The following GPANK1 variants were observed in gnomAD, a reference collection of about 807,000 sequenced individuals.
The protein encoded by GPANK1 is G patch domain and ankyrin repeat-containing protein 1.
GPANK1 carries 22 observed loss-of-function variants against 24.0 expected under a neutral mutation model. The observed-to-expected ratio is 0.92, with a 90% CI of 0.66 to 1.31. GPANK1 has a LOEUF of 1.31. GPANK1 is among the 50% of genes most tolerant of loss of function. The probability of loss-of-function intolerance (pLI) is 0.00; values close to 1 mark genes in which losing one functional copy is unlikely to be tolerated. For synonymous variants in GPANK1, 174 were observed against 177.4 expected (o/e 0.98, Z 0.15); for missense variants, 469 against 453.5 (o/e 1.03, Z -0.31).
upstream of GPANK1, chr6:31,665,595 G>A (rs974104191): frequency 4.1e-6 from 5 of 1,210,956 alleles, no homozygotes; most frequent in Non-Finnish European, 6.0e-6. Context: ...TGAGGCAGGA[G>A]CCCGGAGGAA....
At chr6:31,664,646 C>T in intron 1 of GPANK1, 69 bp from the exon 2 acceptor site, 1 of 607,966 alleles carries the variant, frequency 1.6e-6, no homozygotes, top group East Asian at 2.7e-5. Flanking sequence ...ACTTAGGACT[C>T]TGCAGGGCCT....
chr6:31,663,873 C>T lies in GPANK1; in HGVS notation c.606G>A (p.Glu202=), dbSNP rs1458548074. ...CTTACCGGTTTTCCGGGCTCCTTGTCTCTCCATGGCTCTCCCTGACCATGC... is the reference window on the plus strand; with the variant it reads ...CTTACCGGTTTTCCGGGCTCCTTGTTTCTCCATGGCTCTCCCTGACCATGC... ...VARMVRESHG[E]TRSPENRSPT... The change falls in exon 2 of 3, where the codon GAG becomes GAA. Residue 202 remains glutamate, a synonymous_variant. Transcript: ENST00000375896. The T allele has an allele frequency of 1.5e-5, 24 of 1,561,868 alleles. No homozygotes were observed. Among genetic ancestry groups the T allele is most frequent in the East Asian group, 4.5e-5 (2 of 44,364 alleles).
In GPANK1 at chr6:31,664,228, A is replaced by G; in HGVS notation, c.251T>C (p.Val84Ala). 6 of 1,613,984 alleles carry G rather than the reference A, an allele frequency of 3.7e-6. No homozygotes were observed. The highest frequency in any genetic ancestry group is 1.3e-5 in the African/African-American group (1 of 75,024). ...RIMKAPAAEA[V>A]AEGASGRHGQ... ...ATGTCTTCCTGATGCTCCTTCTGCC[A>G]CTGCTTCTGCTGCTGGTGCCTTCAT... Residue 84 changes from valine to alanine, a missense_variant, in exon 2 of 3, where the codon GTG (valine) becomes GCG (alanine). Val to Ala is a moderately conservative substitution (Grantham distance 64). Coordinates refer to ENST00000375896, the MANE Select transcript of GPANK1 (RefSeq NM_033177.4).
At chr6:31,665,975 T>G, upstream of GPANK1, 4 of 1,020,632 alleles carry the variant, frequency 3.9e-6, no homozygotes, top group South Asian at 1.5e-4. Flanking sequence ...GTTCGCTTTC[T>G]CTCATTTAGC....
rs1800933670 is a variant in GPANK1, at chr6:31,662,101, GATTT to G, written c.*161_*164del. On this transcript the variant is annotated 3_prime_UTR_variant, in exon 3 of 3. Coordinates refer to ENST00000375896, the MANE Select transcript of GPANK1 (RefSeq NM_033177.4). This position sits in a 1 kb window ranked among gnomAD's most constrained non-coding sequence, Gnocchi z 5.5. The stretch of plus-strand genomic sequence containing the variant: ...AAAAGTGAATAAACCACAAATGGTT[GATTT>G]ATTTCTGACTCTCAGCCCGTCTCTC... 4.4e-6 allele frequency: 2 copies of G among 450,562 alleles called. No homozygotes were observed. The highest frequency in any genetic ancestry group is 7.9e-6 in the Non-Finnish European group (2 of 252,874). The allele number at this position is 450,562 out of a possible 1,614,324, so 27.9% of individuals were successfully genotyped here.
chr6:31,662,293 T>C lies in GPANK1; in HGVS notation c.1044A>G (p.Leu348=), dbSNP rs2151161221. 8 of 1,564,524 alleles carry C rather than the reference T, an allele frequency of 5.1e-6. No individual in the cohort carries two copies. Among genetic ancestry groups the C allele is most frequent in the Non-Finnish European group, 6.9e-6 (8 of 1,152,504 alleles). Residue 348 remains leucine, a synonymous_variant, in exon 3 of 3, where the codon CTA becomes CTG. Coordinates refer to ENST00000375896, the MANE Select transcript of GPANK1 (RefSeq NM_033177.4). The surrounding 1 kb of genome is among the most constrained non-coding windows in gnomAD (Gnocchi z 5.5). ...AGAACTCGAGGTTCATGTAAGTCCT[T>C]AGATCCCGCTCCCAAGCCCTGTCTT... ...EEKDRAWERD[L]RTYMNLEF
chr6:31,664,780 C>T lies in GPANK1; in HGVS notation c.-100+61G>A, dbSNP rs559291093. ...TCCTGCGTCCGGCCCCCACCCCCAT[C>T]CTCACCAACAATAAACACCAGCCTC... On this transcript the variant is annotated intron_variant, in intron 1 of 2. Coordinates refer to ENST00000375896, the MANE Select transcript of GPANK1 (RefSeq NM_033177.4). 1.9e-5 allele frequency: 8 copies of T among 426,098 alleles called. No homozygotes were observed. In the South Asian group the frequency reaches 3.2e-4, roughly 17 times the overall value. 26.4% of individuals were successfully genotyped at this position (426,098 alleles called of 1,614,324 possible). A position where few individuals can be genotyped will look rare whatever the true frequency, so the allele number is the denominator to read the frequency against.
upstream of GPANK1, chr6:31,666,221 T>C (rs1189352052): frequency 1.0e-6 from 1 of 987,426 alleles, no homozygotes; most frequent in Non-Finnish European, 1.2e-6. Context: ...GAGTCTGAAG[T>C]CGTCGCTGCT....
chr6:31,664,013 C>CAG lies in GPANK1; in HGVS notation c.465_466insCT (p.Gly156LeufsTer5). The CAG allele has an allele frequency of 6.2e-7, 1 of 1,614,222 alleles. No individual in the cohort carries two copies. Reference sequence around the variant, plus strand: ...CCCAGGAGATAGCTCACAGCTGCCCCCTGGCCCGCTCGAGCAGCACACATC... The same window carrying CAG: ...CCCAGGAGATAGCTCACAGCTGCCCCAGCTGGCCCGCTCGAGCAGCACACATC... On this transcript the variant is annotated frameshift_variant, in exon 2 of 3. Transcript: ENST00000375896. LOFTEE classifies it high-confidence loss of function.
chr6:31,665,213 G>A, upstream of GPANK1: 1 of 555,666 alleles, frequency 1.8e-6, no homozygotes, highest in South Asian at 2.2e-5. Context: ...TCTGTCGGTT[G>A]GGGTCCTACT....
At chr6:31,664,644 C>T in intron 1 of GPANK1, 67 bp from the exon 2 acceptor site, 1 of 609,192 alleles carries the variant, frequency 1.6e-6, no homozygotes, top group Non-Finnish European at 2.9e-6. Flanking sequence ...CAACTTAGGA[C>T]TCTGCAGGGC....
Position 31,661,650 on chromosome 6 carries a change from A to C in GPANK1, c.*616T>G, listed in dbSNP as rs1800860396. 6.3e-6 allele frequency: 1 copy of C among 157,910 alleles called. No individual in the cohort carries two copies. Among genetic ancestry groups the C allele is most frequent in the Non-Finnish European group, 1.4e-5 (1 of 71,284 alleles). 9.8% of individuals were successfully genotyped at this position (157,910 alleles called of 1,614,324 possible). A position where few individuals can be genotyped will look rare whatever the true frequency, so the allele number is the denominator to read the frequency against. ...GGGGGGCAGAGGTTGTGGTGAGCCG[A>C]GATCATGCCATTGCACTCCAGCCTG... is the stretch of plus-strand genomic sequence containing the variant. On this transcript the variant is annotated 3_prime_UTR_variant, in exon 3 of 3. Coordinates refer to ENST00000375896, the MANE Select transcript of GPANK1 (RefSeq NM_033177.4).
Position 31,664,158 on chromosome 6 carries a change from C to T in GPANK1, c.321G>A (p.Arg107=). The change falls in exon 2 of 3, where the codon CGG becomes CGA. Residue 107 remains arginine (R), a synonymous_variant. Transcript: ENST00000375896. ...CCCCCTCCTGGGCTGCCCTCAGTAT[C>T]CGGTGAGTCATCTTATCCTCAGCCT... The part of the protein sequence containing the change: ...SLEAEDKMTH[R]ILRAAQEGDL... 1 of 1,614,262 alleles carries T rather than the reference C, an allele frequency of 6.2e-7. No homozygotes were observed. The highest frequency in any genetic ancestry group is 1.1e-5 in the South Asian group (1 of 91,090).
Position 31,662,191 on chromosome 6 carries a change from G to C in GPANK1, c.*75C>G. The C allele has an allele frequency of 1.0e-6, 1 of 953,664 alleles. No individual in the cohort carries two copies. Among genetic ancestry groups the C allele is most frequent in the South Asian group, 1.8e-5 (1 of 57,138 alleles). The allele number at this position is 953,664 out of a possible 1,614,324, so 59.1% of individuals were successfully genotyped here. ...TCTGCATCTGAGCAGATCCCAGGAA[G>C]GGGAAGTCAAAGGGCCCAGGTCAGA... On this transcript the variant is annotated 3_prime_UTR_variant, in exon 3 of 3. Transcript: ENST00000375896. The surrounding 1 kb of genome is among the most constrained non-coding windows in gnomAD (Gnocchi z 5.5).
upstream of GPANK1, chr6:31,665,448 A>C (rs756078865): frequency 1.3e-5 from 21 of 1,567,648 alleles, no homozygotes; most frequent in Admixed American, 3.0e-4. Flanking sequence ...CTAAGGGGAA[A>C]TGGAGAAGTG....
upstream of GPANK1, chr6:31,665,259 T>C (rs1368973830): frequency 3.2e-6 from 2 of 621,534 alleles, no homozygotes; most frequent in African/African-American, 3.7e-5. Context: ...TTCGCCTTCC[T>C]CAACGTGGCC....
chr6:31,664,737 G>A, intron 1 of GPANK1, 104 bp downstream of exon 1: 1 of 512,934 alleles, frequency 1.9e-6, no homozygotes, highest in Non-Finnish European at 3.4e-6. Context: ...AAAACTCCAT[G>A]AGACTGTTGT....
chr6:31,665,459 CAAAGGGACGAGCAG>C, upstream of GPANK1: 1 of 1,569,708 alleles, frequency 6.4e-7, no homozygotes, highest in Non-Finnish European at 8.6e-7. Context: ...TGGAGAAGTG[CAAAGGGACGAGCAG>C]AATGGCTGGC....
At position 31,664,094 on chromosome 6, in the gene GPANK1, C is replaced by G; in HGVS notation, c.385G>C (p.Ala129Pro). 6.2e-7 allele frequency: 1 copy of G among 1,614,226 alleles called. No homozygotes were observed. Among genetic ancestry groups the G allele is most frequent in the Middle Eastern group, 1.6e-4 (1 of 6,062 alleles). The part of the protein sequence containing the change: ...ELRRLLEPHE[A>P]GGAGGNINAR... ...TTGATATTCCCCCCAGCTCCTCCTGCCTCATGCGGTTCCAGCAGTCTCCTA... is the reference window on the plus strand; with the variant it reads ...TTGATATTCCCCCCAGCTCCTCCTGGCTCATGCGGTTCCAGCAGTCTCCTA... The change falls in exon 2 of 3, where the codon GCA becomes CCA. Residue 129 changes from alanine to proline, a missense_variant. Physicochemically the swap from Ala to Pro is conservative, Grantham distance 27. Transcript: ENST00000375896.
Sources: allele counts gnomAD v4.1 joint callset, GRCh38; gene constraint gnomAD v4.1.1; non-coding constraint Gnocchi (gnomAD v3.1); transcripts MANE v1.5; gene names NCBI Gene and HGNC (gene_info 2026-07-23, HGNC 2026-07-21).